PTPRG: variants seen among roughly 807,000 people sequenced by gnomAD.
PTPRG encodes the protein protein tyrosine phosphatase receptor type G, also known as receptor-type tyrosine-protein phosphatase gamma.
A neutral mutation model predicts 165.3 loss-of-function variants in PTPRG; 102 were observed. The ratio of observed to expected loss-of-function variants is 0.62; its 90% CI spans 0.53 to 0.73. The LOEUF (loss-of-function observed/expected upper bound fraction) is 0.73. PTPRG is among the 30% of genes least tolerant of loss of function. The pLI, the probability that PTPRG is intolerant of heterozygous loss-of-function variation, is 0.00. For missense variants in PTPRG, 1,866 were observed against 1,861.4 expected (o/e 1.00, Z -0.05); for synonymous variants, 675 against 669.5 (o/e 1.01, Z -0.13).
chr3:61,736,998 G>A (rs146963392), intron 1 of PTPRG, among the ~76,000 whole-genome samples: 33 of 152,208 alleles, frequency 2.2e-4, no homozygotes, highest in Middle Eastern at 3.4e-3. Context: ...CTGACTTGGT[G>A]CATCTTCAGC....
intron 4 of PTPRG, among the ~76,000 whole-genome samples, chr3:62,036,870 C>T (rs1699956987): frequency 6.6e-6 from 1 of 152,174 alleles, no homozygotes; most frequent in African/African-American, 2.4e-5. Flanking sequence ...CTCCATTCCT[C>T]TTTGTTGTGG....
chr3:61,844,773 G>C (rs564255684), intron 2 of PTPRG, among the ~76,000 whole-genome samples: 1 of 152,094 alleles, frequency 6.6e-6, no homozygotes, highest in East Asian at 1.9e-4. Flanking sequence ...AAAGTGCTGG[G>C]ATTACAGGCA....
intron 2 of PTPRG, among the ~76,000 whole-genome samples, chr3:61,922,460 G>C (rs894690293): frequency 4.6e-5 from 7 of 152,214 alleles, no homozygotes; most frequent in African/African-American, 1.7e-4. Context: ...GCATACACTT[G>C]TGTAGGAATG....
At chr3:62,053,785 G>A (rs1700542061) in intron 4 of PTPRG, among the ~76,000 whole-genome samples, 1 of 152,114 alleles carries the variant, frequency 6.6e-6, no homozygotes, top group African/African-American at 2.4e-5. Flanking sequence ...CTAAAATATA[G>A]ATTTCCTCTC....
At chr3:61,805,553 C>CAAAAAAAAAAAAAAAAAAAAAAAA (rs2035388867) in intron 2 of PTPRG, among the ~76,000 whole-genome samples, 1 of 115,474 alleles carries the variant, frequency 8.7e-6, no homozygotes, top group Non-Finnish European at 1.8e-5. Context: ...AAAAAAAAAT[C>CAAAAAAAAAAAAAAAAAAAAAAAA]AAAGTGCCCC....
At chr3:61,669,037 C>G (rs996448137) in intron 1 of PTPRG, among the ~76,000 whole-genome samples, 1 of 152,142 alleles carries the variant, frequency 6.6e-6, no homozygotes, top group Non-Finnish European at 1.5e-5. Context: ...ACAGTTTTGT[C>G]CCCTGGTAAA....
chr3:61,842,920 G>A (rs2107337215), intron 2 of PTPRG, among the ~76,000 whole-genome samples: 1 of 152,224 alleles, frequency 6.6e-6, no homozygotes, highest in Non-Finnish European at 1.5e-5. Flanking sequence ...TTGAACCACT[G>A]AGATTTGAGA....
intron 4 of PTPRG, among the ~76,000 whole-genome samples, chr3:62,021,407 A>T (rs115386537): frequency 6.4e-4 from 98 of 152,366 alleles, no homozygotes; most frequent in African/African-American, 2.3e-3. Flanking sequence ...GACATTTGAG[A>T]ATATAAGCCA....
intron 4 of PTPRG, among the ~76,000 whole-genome samples, chr3:62,037,790 G>A (rs552746816): frequency 5.1e-4 from 78 of 152,198 alleles, no homozygotes; most frequent in African/African-American, 1.8e-3. Context: ...ATTAGGTCTC[G>A]CCTCTTATTT....
chr3:62,195,079 T>C lies in PTPRG; in HGVS notation c.1236T>C (p.His412=), dbSNP rs7650104. The C allele has an allele frequency of 2.5e-3, 3,993 of 1,614,172 alleles. 69 individuals carry two copies. The African/African-American group carries it at 0.044, about 18-fold the overall frequency. Residue 412 remains histidine (H), a synonymous_variant, in exon 10 of 30, where the codon CAT becomes CAC. Coordinates refer to ENST00000474889, the MANE Select transcript of PTPRG (RefSeq NM_002841.4). This position sits in a 1 kb window ranked among gnomAD's most constrained non-coding sequence, Gnocchi z 4.4. ...SDKDLKATIS[H]VSPDSLYLFR... ...ACTTACAGAAAGCCACCATTAGCCA[T>C]GTCTCACCCGATAGCCTTTACCTGT... is the stretch of plus-strand genomic sequence containing the variant.
chr3:62,213,002 A>G lies in PTPRG; in HGVS notation c.2156-5849A>G, dbSNP rs1244946664. Among the ~76,000 whole-genome samples the G allele has an allele frequency of 6.6e-6, 1 of 152,074 alleles. No individual in the cohort carries two copies. The highest frequency in any genetic ancestry group is 1.9e-4 in the East Asian group (1 of 5,164). The stretch of plus-strand genomic sequence containing the variant: ...ATGGAGGTGAGGAGGAGCTCTGTTA[A>G]CCCAGAGGTCCTGTCCTTATCTTGG... On this transcript the variant is annotated intron_variant, in intron 12 of 29. Transcript: ENST00000474889. This position sits in a 1 kb window ranked among gnomAD's most constrained non-coding sequence, Gnocchi z 4.4.
intron 1 of PTPRG, among the ~76,000 whole-genome samples, chr3:61,616,536 C>G (rs959519218): frequency 6.6e-6 from 1 of 152,212 alleles, no homozygotes; most frequent in African/African-American, 2.4e-5. Flanking sequence ...TTGGAATACT[C>G]TTCCGTGTAG....
intron 1 of PTPRG, among the ~76,000 whole-genome samples, chr3:61,717,520 G>T (rs1338324309): frequency 6.6e-6 from 1 of 152,184 alleles, no homozygotes; most frequent in East Asian, 1.9e-4. Context: ...AGGAGTGGTG[G>T]CTCATGCCTG....
chr3:62,249,065 G>A (rs1250388105), intron 15 of PTPRG, among the ~76,000 whole-genome samples: 1 of 152,094 alleles, frequency 6.6e-6, no homozygotes, highest in Non-Finnish European at 1.5e-5. Context: ...TGACTTCATT[G>A]TGTCATAAAT....
At chr3:61,615,636 C>T in intron 1 of PTPRG, among the ~76,000 whole-genome samples, 1 of 152,156 alleles carries the variant, frequency 6.6e-6, no homozygotes, top group African/African-American at 2.4e-5. Context: ...TTTCAACTTA[C>T]TCTTTATTTG....
intron 1 of PTPRG, among the ~76,000 whole-genome samples, chr3:61,642,210 C>T (rs910467172): frequency 1.3e-5 from 2 of 152,136 alleles, no homozygotes; most frequent in Non-Finnish European, 2.9e-5. Flanking sequence ...GCCCTGACCC[C>T]GGGCTGTGGC....
intron 5 of PTPRG, among the ~76,000 whole-genome samples, chr3:62,106,198 T>C (rs1702467381): frequency 6.6e-6 from 1 of 152,194 alleles, no homozygotes; most frequent in Non-Finnish European, 1.5e-5. Context: ...TTTGCCATCA[T>C]GGAAACAGAG....
chr3:62,271,406 T>C lies in PTPRG; in HGVS notation c.3033T>C (p.Gly1011=). ...AGGGTCAGAAGGGAAATCCCAAGGG[T>C]CGTCAGAATGAAAGGGTAGTGATCC... The part of the protein sequence containing the change: ...VKKGQKGNPK[G]RQNERVVIQY... Residue 1011 remains glycine (G), a synonymous_variant, in exon 21 of 30, where the codon GGT becomes GGC. Coordinates refer to ENST00000474889, the MANE Select transcript of PTPRG (RefSeq NM_002841.4). This position sits in a 1 kb window ranked among gnomAD's most constrained non-coding sequence, Gnocchi z 4.1. 6.2e-7 allele frequency: 1 copy of C among 1,608,076 alleles called. No homozygotes were observed. Among genetic ancestry groups the C allele is most frequent in the Non-Finnish European group, 8.5e-7 (1 of 1,177,572 alleles).
intron 1 of PTPRG, among the ~76,000 whole-genome samples, chr3:61,682,391 A>C (rs1464627859): frequency 6.6e-6 from 1 of 152,204 alleles, no homozygotes; most frequent in African/African-American, 2.4e-5. Context: ...AAATATGTGC[A>C]TAGAGACTTA....
Sources: allele counts gnomAD v4.1 joint callset (sites outside exome capture counted in the v4.1 genomes callset), GRCh38; gene constraint gnomAD v4.1.1; non-coding constraint Gnocchi (gnomAD v3.1); transcripts MANE v1.5; gene names NCBI Gene and HGNC (gene_info 2026-07-23, HGNC 2026-07-21).